Variants in ZFHX3 observed in about 807,000 individuals in gnomAD.
ZFHX3 encodes zinc finger homeobox 3.
In ZFHX3, 42 loss-of-function variants were observed where a neutral mutation model predicts 279.1. That is an observed-to-expected ratio of 0.15 (90% CI 0.12 to 0.19). The LOEUF is 0.19. Ranked by LOEUF, ZFHX3 falls within the 10% of genes least tolerant of loss-of-function variation. The pLI is 1.00. For synonymous variants in ZFHX3, 2,293 were observed against 1,957.8 expected (o/e 1.17, Z -4.52); for missense variants, 4,981 against 4,754.0 (o/e 1.05, Z -1.40).
chr16:73,841,597 G>T (rs1368635299), intron 1 of ZFHX3, among the ~76,000 whole-genome samples: 1 of 151,992 alleles, frequency 6.6e-6, no homozygotes, highest in East Asian at 1.9e-4. Flanking sequence ...GCCACAAGAG[G>T]GTCCCCAGTG....
At chr16:73,177,897 G>A (rs1481631319) in intron 5 of ZFHX3, among the ~76,000 whole-genome samples, 3 of 152,140 alleles carry the variant, frequency 2.0e-5, no homozygotes, top group Admixed American at 6.5e-5. Context: ...TTGTGGAGGC[G>A]CGGTAGGGAA....
chr16:72,793,306 G>A lies in ZFHX3; in HGVS notation c.9376C>T (p.Leu3126Phe), dbSNP rs769193083. ...PALQGIPPVL[L>F]PGLNSPSLPG... is the part of the protein sequence containing the mutation. ...AAGGAGGGGCTGTTGAGGCCCGGGAGCAACACAGGAGGAATGCCCTGGAGC... is the reference window on the plus strand; with the variant it reads ...AAGGAGGGGCTGTTGAGGCCCGGGAACAACACAGGAGGAATGCCCTGGAGC... Residue 3126 changes from leucine (L) to phenylalanine (F), a missense_variant, in exon 9 of 10, where the codon CTC becomes TTC. Leu to Phe is a conservative substitution (Grantham distance 22). Around this residue, in one of 7 missense-constraint regions of ZFHX3, gnomAD observed 1,034 missense variants for 786.0 expected, o/e 1.32. Coordinates refer to ENST00000268489, the MANE Select transcript of ZFHX3 (RefSeq NM_006885.4). The surrounding 1 kb of genome is among the most constrained non-coding windows in gnomAD (Gnocchi z 4.3). The A allele has an allele frequency of 1.2e-6, 2 of 1,614,012 alleles. No homozygotes were observed. The highest frequency in any genetic ancestry group is 1.7e-6 in the Non-Finnish European group (2 of 1,179,992).
chr16:73,080,657 T>C (rs1056322245), intron 8 of ZFHX3, among the ~76,000 whole-genome samples: 8 of 152,046 alleles, frequency 5.3e-5, no homozygotes, highest in African/African-American at 1.5e-4. Context: ...CACTGCAGCC[T>C]CAAACTCCTG....
chr16:73,525,889 C>T (rs898015742), intron 2 of ZFHX3, among the ~76,000 whole-genome samples: 1 of 152,134 alleles, frequency 6.6e-6, no homozygotes, highest in Non-Finnish European at 1.5e-5. Flanking sequence ...GCAGTGTGTT[C>T]GGAGACAAAA....
intron 2 of ZFHX3, among the ~76,000 whole-genome samples, chr16:73,628,494 G>C (rs1022718995): frequency 6.6e-6 from 1 of 152,150 alleles, no homozygotes; most frequent in African/African-American, 2.4e-5. Flanking sequence ...TAAGGGACTT[G>C]AACCATTTAA....
At chr16:73,126,505 T>C (rs2144813440) in intron 7 of ZFHX3, 1 of 152,270 alleles carries the variant, frequency 6.6e-6, no homozygotes, top group East Asian at 1.9e-4. Context: ...GATAGGTGAA[T>C]GATAGTATTA....
intron 1 of ZFHX3, among the ~76,000 whole-genome samples, chr16:72,982,030 C>T (rs1962625637): frequency 1.3e-5 from 2 of 151,960 alleles, no homozygotes; most frequent in South Asian, 2.1e-4. Context: ...TTACACGCAC[C>T]TACCACCATG....
intron 2 of ZFHX3, among the ~76,000 whole-genome samples, chr16:72,954,565 A>G (rs369432614): frequency 6.6e-6 from 1 of 152,208 alleles, no homozygotes; most frequent in South Asian, 2.1e-4. Context: ...TCTGGAATGA[A>G]AGGGAGACGA....
In ZFHX3 at chr16:73,550,732, G is replaced by A. The variant is rs116390213; in HGVS notation, c.-1546-94474C>T. 3.3e-3 allele frequency among the ~76,000 whole-genome samples: 496 copies of A among 152,182 alleles called. 1 individual carries two copies. The highest frequency in any genetic ancestry group is 0.011 in the African/African-American group (473 of 41,516). ...GAAATCCATTTGTTATACCTTCTGT[G>A]GCAAAGAACAAAAAGAATTCCTTAT... is the stretch of plus-strand genomic sequence containing the variant. On this transcript the variant is annotated intron_variant, in intron 2 of 17. Transcript: ENST00000641206.
At chr16:72,923,430 G>A (rs956798049) in intron 3 of ZFHX3, among the ~76,000 whole-genome samples, 1 of 147,218 alleles carries the variant, frequency 6.8e-6, no homozygotes, top group Admixed American at 6.8e-5. Context: ...GGGCGACAGA[G>A]TGAGACCTGT....
chr16:73,153,116 C>G (rs529589431), intron 5 of ZFHX3, among the ~76,000 whole-genome samples: 2 of 152,098 alleles, frequency 1.3e-5, no homozygotes, highest in African/African-American at 4.8e-5. Context: ...CTCTCCTACC[C>G]CTCCAGCCCC....
intron 5 of ZFHX3, among the ~76,000 whole-genome samples, chr16:73,251,587 T>C (rs2013489202): frequency 6.6e-6 from 1 of 152,102 alleles, no homozygotes; most frequent in East Asian, 1.9e-4. Flanking sequence ...AGAAGAATGC[T>C]CTTCTTTCTC....
intron 7 of ZFHX3, chr16:73,127,504 T>C (rs1195179889): frequency 2.3e-6 from 3 of 1,305,326 alleles, no homozygotes; most frequent in Non-Finnish European, 2.0e-6. Context: ...TGGTGATGGA[T>C]GGGGGAAGAA....
At chr16:73,516,030 C>G (rs557270634) in intron 2 of ZFHX3, among the ~76,000 whole-genome samples, 2 of 152,186 alleles carry the variant, frequency 1.3e-5, no homozygotes. Flanking sequence ...AGACAGAGAA[C>G]AGGGGAAACC....
upstream of ZFHX3, among the ~76,000 whole-genome samples, chr16:73,050,582 T>C (rs902762597): frequency 3.8e-4 from 58 of 152,350 alleles, no homozygotes; most frequent in African/African-American, 1.3e-3. Flanking sequence ...TCAGAGGGAA[T>C]TGGCAACTTC....
intron 3 of ZFHX3, among the ~76,000 whole-genome samples, chr16:73,329,856 G>C (rs931775706): frequency 6.6e-6 from 1 of 152,184 alleles, no homozygotes; most frequent in African/African-American, 2.4e-5. Context: ...TTTTCGGCAC[G>C]AGTGAGTTGA....
chr16:72,906,706 G>A (rs1042420641), intron 3 of ZFHX3, among the ~76,000 whole-genome samples: 2 of 152,160 alleles, frequency 1.3e-5, no homozygotes, highest in Admixed American at 6.5e-5. Flanking sequence ...GCTGATGCAG[G>A]AGAATCACTT....
At chr16:73,020,696 CT>C (rs1964267586) in intron 1 of ZFHX3, among the ~76,000 whole-genome samples, 1 of 152,214 alleles carries the variant, frequency 6.6e-6, no homozygotes, top group South Asian at 2.1e-4. Flanking sequence ...TTCAATGCCC[CT>C]GGTCTTCCTG....
intron 5 of ZFHX3, among the ~76,000 whole-genome samples, chr16:73,231,463 G>A (rs145587001): frequency 3.2e-4 from 48 of 152,262 alleles, no homozygotes; most frequent in African/African-American, 1.1e-3. Flanking sequence ...AACCATCAGC[G>A]CATAGCAGCT....
Sources: allele counts gnomAD v4.1 joint callset (sites outside exome capture counted in the v4.1 genomes callset), GRCh38; gene constraint gnomAD v4.1.1; regional missense constraint gnomAD v4.1.1; non-coding constraint Gnocchi (gnomAD v3.1); transcripts MANE v1.5; gene names NCBI Gene and HGNC (gene_info 2026-07-23, HGNC 2026-07-21).